The following SLC6A16 variants were observed in gnomAD, a reference collection of about 807,000 sequenced individuals.
SLC6A16 encodes the protein solute carrier family 6 member 16.
Under a neutral mutation model 65.4 loss-of-function variants are expected in SLC6A16, and 54 were observed. That is an observed-to-expected ratio of 0.83 (90% confidence interval 0.66 to 1.04). SLC6A16 has a LOEUF of 1.04. Ranked by LOEUF, SLC6A16 falls within the 50% of genes least tolerant of loss-of-function variation. SLC6A16 has a pLI of 0.00. For synonymous variants in SLC6A16, 330 were observed against 346.5 expected (o/e 0.95, Z 0.53); for missense variants, 816 against 914.0 (o/e 0.89, Z 1.38).
At chr19:49,330,014 G>C (rs1402898432), upstream of SLC6A16, among the ~76,000 whole-genome samples, 1 of 151,978 alleles carries the variant, frequency 6.6e-6, no homozygotes, top group Non-Finnish European at 1.5e-5. Flanking sequence ...AGCTACTCAG[G>C]AGGCTGAGTG....
intron 1 of SLC6A16, among the ~76,000 whole-genome samples, chr19:49,321,980 G>A (rs1201211949): frequency 2.0e-5 from 3 of 151,200 alleles, no homozygotes; most frequent in Non-Finnish European, 4.4e-5. Context: ...AAAACTCACA[G>A]CAAATGTCAT....
intron 7 of SLC6A16, among the ~76,000 whole-genome samples, chr19:49,300,410 T>G (rs1031101196): frequency 7.9e-5 from 12 of 152,190 alleles, no homozygotes; most frequent in Non-Finnish European, 1.2e-4. Flanking sequence ...TAAAGAGTTT[T>G]GGAGCCCTTA....
At chr19:49,339,408 C>T in the SLC6A16 span, 3 of 1,613,600 alleles carry the variant, frequency 1.9e-6, no homozygotes, top group African/African-American at 2.7e-5. This position sits in a 1 kb window ranked among gnomAD's most constrained non-coding sequence, Gnocchi z 4.5. Context: ...CGTCGGCCTA[C>T]TCGAGGTGAT....
upstream of SLC6A16, among the ~76,000 whole-genome samples, chr19:49,328,974 T>G (rs1970823478): frequency 1.3e-5 from 2 of 152,218 alleles, no homozygotes; most frequent in South Asian, 2.1e-4. Flanking sequence ...AATCTCCAGA[T>G]GACTACAGCC....
At position 49,309,088 on chromosome 19, in the gene SLC6A16, C is replaced by T; in HGVS notation, c.1017G>A (p.Trp339Ter). 6.2e-7 allele frequency: 1 copy of T among 1,614,148 alleles called. No homozygotes were observed. The highest frequency in any genetic ancestry group is 8.5e-7 in the Non-Finnish European group (1 of 1,180,028). ...ACAAAACTTGACCCCCTGCTAGAGACCACACACTCATATTGTACACATCCG... is the reference window on the plus strand; with the variant it reads ...ACAAAACTTGACCCCCTGCTAGAGATCACACACTCATATTGTACACATCCG... Reference protein sequence around the residue: ...KISDVYNMSVWSLAGGQVLSN... With the variant: ...KISDVYNMSV The change falls in exon 7 of 12, where the codon TGG (tryptophan) becomes TGA (stop). Residue 339 changes from tryptophan to a stop codon, truncating the protein, a stop_gained. Transcript: ENST00000335875. LOFTEE classifies it high-confidence loss of function.
Position 49,311,083 on chromosome 19 carries a change from C to T in SLC6A16, c.265G>A (p.Val89Met), listed in dbSNP as rs895463991. 1.1e-5 allele frequency: 18 copies of T among 1,614,198 alleles called. No individual in the cohort carries two copies. The highest frequency in any genetic ancestry group is 1.5e-5 in the Non-Finnish European group (18 of 1,180,032). Residue 89 changes from valine (V) to methionine (M), a missense_variant, in exon 2 of 12, where the codon GTG becomes ATG. Coordinates refer to ENST00000335875, the MANE Select transcript of SLC6A16 (RefSeq NM_014037.3). ...ALNQKPTHEK[V>M]QMTEKKESEV... ...CTCTCTTTCTTCTCTGTCATCTGCA[C>T]CTTCTCATGCGTGGGTTTCTGGTTC...
Position 49,289,978 on chromosome 19 carries a change from C to T in SLC6A16, c.*145G>A, listed in dbSNP as rs767850682. ...CAGGAAGGGATTGCAAGTCCAGGCC[C>T]CATGAACACCCCCAAAGAATGCCCC... On this transcript the variant is annotated 3_prime_UTR_variant, in exon 12 of 12. Coordinates refer to ENST00000335875, the MANE Select transcript of SLC6A16 (RefSeq NM_014037.3). 5 of 780,334 alleles carry T rather than the reference C, an allele frequency of 6.4e-6. No individual in the cohort carries two copies. The highest frequency in any genetic ancestry group is 1.0e-5 in the Non-Finnish European group (5 of 495,062). The allele number at this position is 780,334 out of a possible 1,614,324, so 48.3% of individuals were successfully genotyped here. A position where few individuals can be genotyped will look rare whatever the true frequency, so the allele number is the denominator to read the frequency against.
chr19:49,337,514 T>G, the SLC6A16 span: 1 of 719,666 alleles, frequency 1.4e-6, no homozygotes, highest in Non-Finnish European at 2.1e-6. Context: ...CCCAGCTACT[T>G]GGGAGGTCGA....
Position 49,311,015 on chromosome 19 carries a change from C to T in SLC6A16, c.333G>A (p.Glu111=), listed in dbSNP as rs1376401454. ...LARPFWSSKT[E]YILAQVGFSM... ...AGAAGCCCACCTGAGCCAGAATATA[C>T]TCAGTTTTGCTGGACCAGAACGGAC... is the stretch of plus-strand genomic sequence containing the variant. The change falls in exon 2 of 12, where the codon GAG becomes GAA. Residue 111 remains glutamate (E), a synonymous_variant. Transcript: ENST00000335875. 1 of 1,614,220 alleles carries T rather than the reference C, an allele frequency of 6.2e-7. No individual in the cohort carries two copies. The highest frequency in any genetic ancestry group is 8.5e-7 in the Non-Finnish European group (1 of 1,180,044).
chr19:49,312,598 G>A, intron 1 of SLC6A16: 1 of 983,858 alleles, frequency 1.0e-6, no homozygotes, highest in Non-Finnish European at 1.2e-6. Flanking sequence ...AAGAGAAAAG[G>A]CAAGGAGTGT....
Position 49,309,736 on chromosome 19 carries a change from G to A in SLC6A16, c.791C>T (p.Pro264Leu). The change falls in exon 5 of 12, where the codon CCA becomes CTA. Residue 264 changes from proline to leucine, a missense_variant. Pro to Leu is a moderately conservative substitution (Grantham distance 98). Transcript: ENST00000335875. ...ASDRIEDGGS[P>L]VYSLVLPFFL... ...GAAGGGCAGGACCAGACTGTAGACT[G>A]GTGACCCGCCATCCTCGATTCTGTC... 2 of 1,614,050 alleles carry A rather than the reference G, an allele frequency of 1.2e-6. No individual in the cohort carries two copies. The highest frequency in any genetic ancestry group is 1.7e-6 in the Non-Finnish European group (2 of 1,179,952).
chr19:49,337,306 A>T, the SLC6A16 span: 1 of 1,297,064 alleles, frequency 7.7e-7, no homozygotes, highest in Non-Finnish European at 1.1e-6. Context: ...AGAGACCGAA[A>T]CAAGGGCAGA....
chr19:49,294,623 T>G (rs1970150855), intron 7 of SLC6A16, 70 bp from the exon 8 acceptor site: 1 of 1,348,692 alleles, frequency 7.4e-7, no homozygotes, highest in Admixed American at 2.5e-5. Context: ...TTCCCTTATC[T>G]TCAAGATAAA....
intron 1 of SLC6A16, among the ~76,000 whole-genome samples, chr19:49,317,025 G>A (rs1379835498): frequency 6.6e-6 from 1 of 150,574 alleles, no homozygotes; most frequent in African/African-American, 2.5e-5. Flanking sequence ...CAACAGAGTG[G>A]GACCTCATTC....
the SLC6A16 span, chr19:49,338,762 C>T: frequency 1.2e-6 from 2 of 1,613,528 alleles, no homozygotes; most frequent in Non-Finnish European, 8.5e-7. This position sits in a 1 kb window ranked among gnomAD's most constrained non-coding sequence, Gnocchi z 5.0. Flanking sequence ...TGAGAGGTAA[C>T]GGGTCGGAGG....
At position 49,308,859 on chromosome 19, in the gene SLC6A16, A is replaced by C; in HGVS notation, c.1229+17T>G. The C allele has an allele frequency of 6.2e-7, 1 of 1,613,510 alleles. No individual in the cohort carries two copies. Among genetic ancestry groups the C allele is most frequent in the Non-Finnish European group, 8.5e-7 (1 of 1,179,448 alleles). On this transcript the variant is annotated intron_variant, in intron 7 of 11. Coordinates refer to ENST00000335875, the MANE Select transcript of SLC6A16 (RefSeq NM_014037.3). ...GTTCCCTGGAGCTGAGACCCTTAAC[A>C]AAGGGGCCGGCCTTACCTCTCACAG...
At chr19:49,319,414 T>C (rs572243379) in intron 1 of SLC6A16, among the ~76,000 whole-genome samples, 18 of 148,514 alleles carry the variant, frequency 1.2e-4, no homozygotes, top group African/African-American at 4.4e-4. Flanking sequence ...TGTGTGTGTA[T>C]ATATATATAT....
chr19:49,339,639 C>T, the SLC6A16 span: 1 of 1,430,604 alleles, frequency 7.0e-7, no homozygotes, highest in Non-Finnish European at 9.1e-7. This position sits in a 1 kb window ranked among gnomAD's most constrained non-coding sequence, Gnocchi z 4.5. Context: ...GCTGCGATCT[C>T]CCTCCCCTTT....
chr19:49,314,873 T>C (rs1666597835), intron 1 of SLC6A16, among the ~76,000 whole-genome samples: 1 of 152,180 alleles, frequency 6.6e-6, no homozygotes, highest in African/African-American at 2.4e-5. Context: ...CAAGGAAAGA[T>C]GGAAGTGTTG....
Sources: allele counts gnomAD v4.1 joint callset (sites outside exome capture counted in the v4.1 genomes callset), GRCh38; gene constraint gnomAD v4.1.1; non-coding constraint Gnocchi (gnomAD v3.1); transcripts MANE v1.5; gene names NCBI Gene and HGNC (gene_info 2026-07-23, HGNC 2026-07-21).